The following ATE1 variants were observed in gnomAD, a reference collection of about 807,000 sequenced individuals.
ATE1 encodes arginyl-tRNA--protein transferase 1.
In ATE1, 36 loss-of-function variants were observed where a neutral mutation model predicts 70.5. The observed-to-expected ratio is 0.51, with a 90% CI of 0.39 to 0.67. The LOEUF is 0.67. Ranked by LOEUF, ATE1 falls within the 30% of genes least tolerant of loss-of-function variation. The pLI is 0.00. For missense variants in ATE1, 593 were observed against 629.5 expected (o/e 0.94, Z 0.62); for synonymous variants, 232 against 219.3 (o/e 1.06, Z -0.51).
chr10:121,847,690 A>C (rs1479663964), intron 8 of ATE1, among the ~76,000 whole-genome samples: 4 of 125,428 alleles, frequency 3.2e-5, no homozygotes, highest in African/African-American at 1.2e-4. Context: ...CCAGGGAGTC[A>C]GAGGTTGCAG....
At chr10:121,818,256 C>CAAAAAAAAAAA (rs66792557) in intron 10 of ATE1, among the ~76,000 whole-genome samples, 3 of 63,406 alleles carry the variant, frequency 4.7e-5, no homozygotes, top group African/African-American at 7.0e-5. Flanking sequence ...GACTCCATCT[C>CAAAAAAAAAAA]AAAAAAAAAA....
intron 9 of ATE1, among the ~76,000 whole-genome samples, chr10:121,838,919 T>C (rs1217589481): frequency 2.0e-5 from 3 of 152,160 alleles, no homozygotes; most frequent in Non-Finnish European, 4.4e-5. Context: ...TAAAACTATA[T>C]TGATTGTTGG....
chr10:121,811,627 G>A (rs1947322278), intron 10 of ATE1, among the ~76,000 whole-genome samples: 1 of 152,000 alleles, frequency 6.6e-6, no homozygotes, highest in African/African-American at 2.4e-5. Context: ...CCCCATGCTC[G>A]GAAAACAAGT....
chr10:121,785,167 G>C (rs1373479329), intron 11 of ATE1, among the ~76,000 whole-genome samples: 3 of 152,080 alleles, frequency 2.0e-5, no homozygotes, highest in Non-Finnish European at 4.4e-5. Context: ...AACTTGAAGT[G>C]GGTAGTTTGA....
chr10:121,811,068 A>C (rs1436517270), intron 10 of ATE1, among the ~76,000 whole-genome samples: 1 of 152,220 alleles, frequency 6.6e-6, no homozygotes, highest in African/African-American at 2.4e-5. Flanking sequence ...CGAATGACAA[A>C]ACTGGAATAC....
chr10:121,764,131 T>TG lies in ATE1; in HGVS notation c.1379-20274dup, dbSNP rs574253935. ...GCACACCAATGTGAGATGTTAATGA[T>TG]GGGGGGCTCAGGGAAGGGCGACGGA... On this transcript the variant is annotated intron_variant, in intron 11 of 11. Transcript: ENST00000224652. Among the ~76,000 whole-genome samples the TG allele has an allele frequency of 2.7e-3, 407 of 151,752 alleles. 4 individuals are homozygous for TG. The highest frequency in any genetic ancestry group is 0.022 in the Admixed American group (335 of 15,232).
At chr10:121,904,800 T>C (rs549534116) in intron 5 of ATE1, among the ~76,000 whole-genome samples, 7 of 152,064 alleles carry the variant, frequency 4.6e-5, no homozygotes, top group Non-Finnish European at 1.0e-4. Flanking sequence ...GACCATAAGC[T>C]GATCAAATGA....
At chr10:121,819,485 A>G (rs192177898) in intron 10 of ATE1, among the ~76,000 whole-genome samples, 1 of 151,558 alleles carries the variant, frequency 6.6e-6, no homozygotes, top group East Asian at 2.0e-4. Context: ...CGGCCGGATC[A>G]TGAGGTCAGG....
chr10:121,865,235 T>A (rs1303312636), intron 8 of ATE1, among the ~76,000 whole-genome samples: 2 of 152,184 alleles, frequency 1.3e-5, no homozygotes, highest in Non-Finnish European at 2.9e-5. Context: ...GAAAGCACAG[T>A]ACCTGTACAC....
intron 5 of ATE1, among the ~76,000 whole-genome samples, chr10:121,908,944 A>G (rs1179458648): frequency 6.6e-6 from 1 of 152,284 alleles, no homozygotes; most frequent in East Asian, 1.9e-4. Context: ...AAGACAAACA[A>G]CCCAGTTGAG....
At chr10:121,890,433 CA>C (rs942033062) in intron 7 of ATE1, among the ~76,000 whole-genome samples, 2 of 151,462 alleles carry the variant, frequency 1.3e-5, no homozygotes, top group African/African-American at 4.8e-5. Flanking sequence ...GACTCATACA[CA>C]AAAAAAAGAT....
intron 11 of ATE1, among the ~76,000 whole-genome samples, chr10:121,776,401 C>T (rs1945742625): frequency 6.6e-6 from 1 of 152,094 alleles, no homozygotes; most frequent in African/African-American, 2.4e-5. Flanking sequence ...GCAAGAGGGT[C>T]ATCATGAAGA....
intron 11 of ATE1, among the ~76,000 whole-genome samples, chr10:121,750,662 AAGAGACTTTATAACT>A (rs1944542523): frequency 1.3e-5 from 2 of 152,204 alleles, no homozygotes; most frequent in Non-Finnish European, 2.9e-5. Context: ...GTTATTCTTA[AAGAGACTTTATAACT>A]TCTAGGCTTT....
At position 121,790,266 on chromosome 10, in the gene ATE1, C is replaced by A; in HGVS notation, c.1281G>T (p.Leu427Phe). Residue 427 changes from leucine to phenylalanine, a missense_variant, in exon 11 of 12, where the codon TTG becomes TTT. Leu to Phe is a conservative substitution (Grantham distance 22). Coordinates refer to ENST00000224652, the MANE Select transcript of ATE1 (RefSeq NM_001001976.3). ...CCCAAACATATGTCTCAGGGCACAG[C>A]AAATCAGAAGGTCTATACTGACCCT... ...KYKGQYRPSD[L>F]LCPETYVWVP... 1 of 1,613,956 alleles carries A rather than the reference C, an allele frequency of 6.2e-7. No homozygotes were observed. Among genetic ancestry groups the A allele is most frequent in the Non-Finnish European group, 8.5e-7 (1 of 1,179,956 alleles).
chr10:121,806,855 A>C (rs1460130897), intron 10 of ATE1, among the ~76,000 whole-genome samples: 1 of 152,212 alleles, frequency 6.6e-6, no homozygotes, highest in Non-Finnish European at 1.5e-5. Context: ...TGTTCTTTCA[A>C]GTTTTCTGCA....
chr10:121,834,313 A>T (rs569877437), intron 10 of ATE1, among the ~76,000 whole-genome samples: 11 of 152,292 alleles, frequency 7.2e-5, no homozygotes, highest in African/African-American at 2.6e-4. Context: ...GAAATCAGGG[A>T]TCTTGCCTGT....
chr10:121,928,275 C>A, upstream of ATE1: 1 of 1,469,022 alleles, frequency 6.8e-7, no homozygotes, highest in South Asian at 1.3e-5. Context: ...GGGTGCGAGC[C>A]TGCCCTTTCC....
chr10:121,926,350 GCACT>G (rs1176869173), intron 1 of ATE1, among the ~76,000 whole-genome samples: 1 of 152,078 alleles, frequency 6.6e-6, no homozygotes, highest in Non-Finnish European at 1.5e-5. Context: ...CACCTGGCAG[GCACT>G]CACTCACACT....
chr10:121,897,350 G>T (rs1457309851), intron 7 of ATE1, among the ~76,000 whole-genome samples: 2 of 152,178 alleles, frequency 1.3e-5, no homozygotes, highest in African/African-American at 4.8e-5. Context: ...CAGAGCACTA[G>T]GAAGGAGGAA....
Sources: gnomAD v4.1 joint callset for allele counts (sites outside exome capture counted in the v4.1 genomes callset) on GRCh38, gnomAD v4.1.1 for gene constraint, MANE v1.5 for transcripts, NCBI Gene and HGNC (gene_info 2026-07-23, HGNC 2026-07-21) for gene names.